The following PRKAR1B variants were observed in gnomAD, a reference collection of about 807,000 sequenced individuals.
PRKAR1B encodes cAMP-dependent protein kinase type I-beta regulatory subunit.
Under a neutral mutation model 46.5 loss-of-function variants are expected in PRKAR1B, and 22 were observed. The observed-to-expected ratio is 0.47, with a 90% CI of 0.34 to 0.68. PRKAR1B has a LOEUF of 0.68. Ranked by LOEUF, PRKAR1B falls within the 30% of genes least tolerant of loss-of-function variation. PRKAR1B has a pLI of 0.01. For missense variants in PRKAR1B, 445 were observed against 535.6 expected, an observed-to-expected ratio of 0.83 and a Z score of 1.67; for synonymous variants, 259 against 217.7, an observed-to-expected ratio of 1.19 and a Z score of -1.67.
chr7:563,200 G>A (rs1287840196), intron 9 of PRKAR1B, among the ~76,000 whole-genome samples: 1 of 152,222 alleles, frequency 6.6e-6, no homozygotes, highest in East Asian at 1.9e-4. Flanking sequence ...CCAACCCGGA[G>A]CTGATGCCCC....
At position 593,809 on chromosome 7, in the gene PRKAR1B, C is replaced by T. The variant is rs924224905; in HGVS notation, c.708+2337G>A. Among the ~76,000 whole-genome samples, 2 of 152,176 alleles carry T rather than the reference C, an allele frequency of 1.3e-5. No individual in the cohort carries two copies. Among genetic ancestry groups the T allele is most frequent in the African/African-American group, 4.8e-5 (2 of 41,456 alleles). ...CTGTGTACTGGAGTATCCCCAGCAG[C>T]ACAGGAGCCCCAGACCCAGGGTGGG... On this transcript the variant is annotated intron_variant, in intron 7 of 10. Coordinates refer to ENST00000537384, the MANE Select transcript of PRKAR1B (RefSeq NM_001164760.2). This position sits in a 1 kb window ranked among gnomAD's most constrained non-coding sequence, Gnocchi z 6.1.
intron 9 of PRKAR1B, among the ~76,000 whole-genome samples, chr7:576,354 C>T (rs777028697): frequency 2.0e-5 from 3 of 152,226 alleles, no homozygotes; most frequent in Non-Finnish European, 4.4e-5. Context: ...CATCCTTTCC[C>T]TCCTCCTTCT....
chr7:569,270 A>G (rs1042032769), intron 9 of PRKAR1B, among the ~76,000 whole-genome samples: 20 of 152,182 alleles, frequency 1.3e-4, no homozygotes, highest in African/African-American at 4.8e-4. Flanking sequence ...CCTCAGCCTC[A>G]CACCTGGCCC....
intron 4 of PRKAR1B, among the ~76,000 whole-genome samples, chr7:611,791 T>C (rs1272518417): frequency 6.6e-6 from 1 of 151,194 alleles, no homozygotes; most frequent in Non-Finnish European, 1.5e-5. Flanking sequence ...GATGGATGGA[T>C]GGATGGACAG....
intron 4 of PRKAR1B, among the ~76,000 whole-genome samples, chr7:640,692 G>A (rs1784341787): frequency 6.6e-6 from 1 of 151,440 alleles, no homozygotes; most frequent in South Asian, 2.1e-4. Context: ...GAACCCAGAA[G>A]GTGGAGGTTG....
At chr7:657,202 G>A (rs930233967) in intron 4 of PRKAR1B, among the ~76,000 whole-genome samples, 3 of 146,432 alleles carry the variant, frequency 2.0e-5, no homozygotes, top group Non-Finnish European at 3.0e-5. Flanking sequence ...GGTGAATGAA[G>A]GAATTGATGC....
intron 6 of PRKAR1B, among the ~76,000 whole-genome samples, chr7:604,565 G>A (rs762657472): frequency 2.2e-4 from 34 of 152,236 alleles, no homozygotes; most frequent in African/African-American, 3.4e-4. Context: ...GGCCAGGCCC[G>A]AGGCACGTGC....
At chr7:709,904 A>C (rs1177704362) in intron 2 of PRKAR1B, among the ~76,000 whole-genome samples, 2 of 152,126 alleles carry the variant, frequency 1.3e-5, no homozygotes, top group African/African-American at 4.8e-5. Flanking sequence ...CGACCTTCCA[A>C]ATGCTGGGAT....
chr7:558,031 A>G (rs1778555961), intron 9 of PRKAR1B, among the ~76,000 whole-genome samples: 1 of 152,200 alleles, frequency 6.6e-6, no homozygotes, highest in Non-Finnish European at 1.5e-5. Flanking sequence ...CTGCAAAATC[A>G]GCTCAGACGT....
Position 549,955 on chromosome 7 carries a change from ACTCCCTGCTCTCAGCCTCAT to A in PRKAR1B, c.*455_*474del, listed in dbSNP as rs1474107642. On this transcript the variant is annotated 3_prime_UTR_variant, in exon 11 of 11. Transcript: ENST00000537384. ...AGGGGCCTTGACTTCTTCGGCCTCA[ACTCCCTGCTCTCAGCCTCAT>A]CTCCCCTGGGGGGCAGCCCCTTTTG... The A allele has an allele frequency of 6.2e-6, 1 of 161,990 alleles. No individual in the cohort carries two copies. Among genetic ancestry groups the A allele is most frequent in the Non-Finnish European group, 1.4e-5 (1 of 73,852 alleles). 10.0% of individuals were successfully genotyped at this position (161,990 alleles called of 1,614,324 possible). A position where few individuals can be genotyped will look rare whatever the true frequency, so the allele number is the denominator to read the frequency against.
chr7:641,087 G>C (rs1784362928), intron 4 of PRKAR1B, among the ~76,000 whole-genome samples: 1 of 151,974 alleles, frequency 6.6e-6, no homozygotes, highest in African/African-American at 2.4e-5. Context: ...CGAGTAGCTG[G>C]GACTACAGGT....
intron 9 of PRKAR1B, among the ~76,000 whole-genome samples, chr7:571,197 C>T (rs71536292): frequency 0.11 from 15,987 of 152,182 alleles, 830 homozygotes; most frequent in Non-Finnish European, 0.12. Context: ...AATGTGGCAC[C>T]GGCACTGTCC....
Position 550,521 on chromosome 7 carries a change from C to T in PRKAR1B, c.1055G>A (p.Arg352Gln), listed in dbSNP as rs1050898374. Residue 352 changes from arginine to glutamine, a missense_variant, in exon 11 of 11, where the codon CGG becomes CAG. Physicochemically the swap from Arg to Gln is conservative, Grantham distance 43 (BLOSUM62 1). Transcript: ENST00000537384. Reference protein sequence around the residue: ...RGPLKCVKLDRPRFERVLGPC... With the variant: ...RGPLKCVKLDQPRFERVLGPC... ...CCCCAGCACACGCTCGAAGCGGGGC[C>T]GGTCCAGCTTCACACACTTGAGGGG... The T allele has an allele frequency of 3.1e-6, 5 of 1,604,506 alleles. No individual in the cohort carries two copies. The highest frequency in any genetic ancestry group is 1.3e-5 in the African/African-American group (1 of 74,904).
chr7:583,453 CCACT>C (rs1780349818), intron 8 of PRKAR1B, among the ~76,000 whole-genome samples: 1 of 142,140 alleles, frequency 7.0e-6, no homozygotes, highest in Admixed American at 6.8e-5. Context: ...ACACTCACAC[CCACT>C]CACACACGTG....
chr7:712,429 C>G (rs1334073822), intron 1 of PRKAR1B: 2 of 149,482 alleles, frequency 1.3e-5, no homozygotes, highest in Admixed American at 6.6e-5. Flanking sequence ...TGCGCGGCGC[C>G]CGAGGCCAGG....
At chr7:659,948 C>G (rs1785417539) in intron 4 of PRKAR1B, among the ~76,000 whole-genome samples, 3 of 151,984 alleles carry the variant, frequency 2.0e-5, no homozygotes, top group Admixed American at 2.0e-4. Context: ...GCCCCCAGTC[C>G]TGTAGATCTC....
chr7:703,301 G>C (rs1171948111), intron 2 of PRKAR1B, among the ~76,000 whole-genome samples: 1 of 152,182 alleles, frequency 6.6e-6, no homozygotes, highest in African/African-American at 2.4e-5. Flanking sequence ...ATTATAATTG[G>C]AAGTTTCAAT....
intron 1 of PRKAR1B, among the ~76,000 whole-genome samples, chr7:718,171 T>C (rs1376312891): frequency 6.6e-6 from 1 of 151,204 alleles, no homozygotes; most frequent in Non-Finnish European, 1.5e-5. Context: ...GATTGCAGCC[T>C]TCAGAGGACC....
chr7:670,158 G>A (rs922876808), intron 4 of PRKAR1B, among the ~76,000 whole-genome samples: 7 of 151,956 alleles, frequency 4.6e-5, no homozygotes, highest in East Asian at 1.9e-4. Context: ...GTGAGCCACC[G>A]CGCCCAGCCC....
Sources: allele counts gnomAD v4.1 joint callset (sites outside exome capture counted in the v4.1 genomes callset), GRCh38; gene constraint gnomAD v4.1.1; non-coding constraint Gnocchi (gnomAD v3.1); transcripts MANE v1.5; gene names NCBI Gene and HGNC (gene_info 2026-07-23, HGNC 2026-07-21).